Variants in RYR3 observed in about 807,000 individuals in gnomAD.
The protein encoded by RYR3 is ryanodine receptor 3, also known as brain ryanodine receptor-calcium release channel.
Under a neutral mutation model 584.3 loss-of-function variants are expected in RYR3, and 207 were observed. That is an observed-to-expected ratio of 0.35 (90% CI 0.32 to 0.40). RYR3 has a LOEUF of 0.40. RYR3 is among the 10% of genes least tolerant of loss of function. The probability of loss-of-function intolerance (pLI) is 1.00; values close to 1 mark genes in which losing one functional copy is unlikely to be tolerated. For missense variants in RYR3, 5,616 were observed against 6,089.2 expected (o/e 0.92, Z 2.59); for synonymous variants, 2,416 against 2,248.5 (o/e 1.07, Z -2.11).
At chr15:33,748,950 T>G (rs538380694) in intron 55 of RYR3, among the ~76,000 whole-genome samples, 6 of 152,332 alleles carry the variant, frequency 3.9e-5, no homozygotes, top group African/African-American at 1.4e-4. Flanking sequence ...TTATAATTCC[T>G]AACACAATGT....
At chr15:33,466,696 A>G (rs905021577) in intron 1 of RYR3, among the ~76,000 whole-genome samples, 7 of 152,244 alleles carry the variant, frequency 4.6e-5, no homozygotes, top group African/African-American at 1.7e-4. Flanking sequence ...TGTAGAAGCA[A>G]ACAGGGTATC....
intron 43 of RYR3, among the ~76,000 whole-genome samples, chr15:33,719,056 G>A (rs778807514): frequency 6.6e-6 from 1 of 152,190 alleles, no homozygotes; most frequent in Non-Finnish European, 1.5e-5. Flanking sequence ...GGAAGAGACT[G>A]TCTCTCCCTC....
Position 33,555,310 on chromosome 15 carries a change from G to A in RYR3, c.972+4994G>A, listed in dbSNP as rs142919740. Among the ~76,000 whole-genome samples the A allele has an allele frequency of 4.9e-3, 753 of 152,198 alleles. 13 individuals carry two copies. Among genetic ancestry groups the A allele is most frequent in the South Asian group, 0.027 (132 of 4,818 alleles). On this transcript the variant is annotated intron_variant, in intron 10 of 103. Transcript: ENST00000634891. ...TTTTGCCAGTCCCCTTGCTTGCTCC[G>A]TTTTCTCACCAAGTTATCCACTGGG... is the stretch of plus-strand genomic sequence containing the variant.
At chr15:33,845,234 G>A (rs938798963) in intron 93 of RYR3, among the ~76,000 whole-genome samples, 172 bp downstream of exon 93, 3 of 152,118 alleles carry the variant, frequency 2.0e-5, no homozygotes, top group African/African-American at 4.8e-5. Context: ...AGAGTCTCAG[G>A]CCTCACCATA....
chr15:33,529,040 A>G (rs1465760362), intron 3 of RYR3, among the ~76,000 whole-genome samples: 1 of 152,214 alleles, frequency 6.6e-6, no homozygotes, highest in Non-Finnish European at 1.5e-5. Context: ...GATAAGATCA[A>G]TTTTTGGTAG....
chr15:33,388,976 G>A (rs527722289), intron 1 of RYR3, among the ~76,000 whole-genome samples: 2 of 149,174 alleles, frequency 1.3e-5, no homozygotes, highest in Non-Finnish European at 3.0e-5. Context: ...ATCATTCTCA[G>A]CAAACTATCA....
intron 3 of RYR3, among the ~76,000 whole-genome samples, chr15:33,515,821 T>A (rs897036665): frequency 1.1e-4 from 17 of 152,250 alleles, no homozygotes; most frequent in African/African-American, 4.1e-4. Context: ...TAAAAATTCA[T>A]CAATGTGCAC....
chr15:33,848,464 C>G (rs765990451), intron 94 of RYR3, 43 bp downstream of exon 94: 4 of 1,580,722 alleles, frequency 2.5e-6, no homozygotes, highest in South Asian at 1.2e-5. Context: ...GATGGAGTCT[C>G]TACTGTAAAT....
chr15:33,370,839 C>G (rs1483106582), intron 1 of RYR3, among the ~76,000 whole-genome samples: 1 of 152,098 alleles, frequency 6.6e-6, no homozygotes, highest in East Asian at 1.9e-4. Context: ...AAAGATGACT[C>G]ATATCTAGAG....
chr15:33,539,369 T>C lies in RYR3; in HGVS notation c.453T>C (p.Thr151=), dbSNP rs1325449596. Residue 151 remains threonine, a synonymous_variant, in exon 6 of 104, where the codon ACT becomes ACC. Transcript: ENST00000634891. ...EHATGEACWW[T]IHPASKQRSE... is the part of the protein sequence containing the mutation. ...ATGTAGGAGAAGCCTGTTGGTGGAC[T>C]ATACATCCTGCTTCCAAACAGAGGT... The C allele has an allele frequency of 2.5e-6, 4 of 1,595,678 alleles. No individual in the cohort carries two copies. The highest frequency in any genetic ancestry group is 3.4e-6 in the Non-Finnish European group (4 of 1,170,378).
At chr15:33,770,529 A>G (rs1270001020) in intron 62 of RYR3, among the ~76,000 whole-genome samples, 1 of 152,138 alleles carries the variant, frequency 6.6e-6, no homozygotes, top group Non-Finnish European at 1.5e-5. Context: ...AGGTGGGTGG[A>G]TTGCTTGAGG....
intron 12 of RYR3, among the ~76,000 whole-genome samples, chr15:33,577,482 A>T (rs1238322536): frequency 6.6e-6 from 1 of 152,218 alleles, no homozygotes; most frequent in Non-Finnish European, 1.5e-5. Flanking sequence ...CAACCATCTG[A>T]TCTTTGACAA....
chr15:33,748,242 T>C lies in RYR3; in HGVS notation c.8118T>C (p.Ser2706=). 1 of 1,613,786 alleles carries C rather than the reference T, an allele frequency of 6.2e-7. No homozygotes were observed. Residue 2706 remains serine, a synonymous_variant, in exon 54 of 104, where the codon AGT becomes AGC. Coordinates refer to ENST00000634891, the MANE Select transcript of RYR3 (RefSeq NM_001036.6). ...VQQRENEKLR[S]VSQANQGNSY... is the part of the protein sequence containing the mutation. ...AGCGGGAAAATGAGAAGCTTCGAAG[T>C]GTGTCCCAGGCCAACCAGGTATGAC... is the stretch of plus-strand genomic sequence containing the variant.
chr15:33,772,109 G>A lies in RYR3; in HGVS notation c.9006G>A (p.Thr3002=), dbSNP rs200133020. ...CAGTGGCTCTGCTCCCCATCCTGAC[G>A]TCCATCTTTGAGCACGTCACTCAGC... ...YTTVALLPIL[T]SIFEHVTQHQ... Residue 3002 remains threonine (T), a synonymous_variant, in exon 63 of 104, where the codon ACG becomes ACA. Transcript: ENST00000634891. 5.7e-4 allele frequency: 914 copies of A among 1,613,624 alleles called. 1 individual carries two copies. The highest frequency in any genetic ancestry group is 7.1e-4 in the Non-Finnish European group (835 of 1,179,748).
chr15:33,327,365 G>A (rs1211800169), intron 1 of RYR3, among the ~76,000 whole-genome samples: 1 of 152,114 alleles, frequency 6.6e-6, no homozygotes, highest in Non-Finnish European at 1.5e-5. Flanking sequence ...TGGGACACAG[G>A]GGCTGTCTTA....
In RYR3 at chr15:33,646,427, G is replaced by A. The variant is rs374007586; in HGVS notation, c.3842G>A (p.Ser1281Asn). 5.4e-5 allele frequency: 87 copies of A among 1,613,844 alleles called. No individual in the cohort carries two copies. Among genetic ancestry groups the A allele is most frequent in the Non-Finnish European group, 7.1e-5 (84 of 1,179,872 alleles). ...VTHKTFGTQNSNADMIYCRLS... is the reference protein window; with the variant it reads ...VTHKTFGTQNNNADMIYCRLS... ...CATAAGACATTTGGCACACAGAATAGCAATGCCGACATGATCTATTGCCGC... is the reference window on the plus strand; with the variant it reads ...CATAAGACATTTGGCACACAGAATAACAATGCCGACATGATCTATTGCCGC... The change falls in exon 29 of 104, where the codon AGC becomes AAC. Residue 1281 changes from serine (S) to asparagine (N), a missense_variant. Physicochemically the swap from Ser to Asn is conservative, Grantham distance 46. Coordinates refer to ENST00000634891, the MANE Select transcript of RYR3 (RefSeq NM_001036.6).
intron 1 of RYR3, among the ~76,000 whole-genome samples, chr15:33,460,940 C>CTTT (rs66742049): frequency 0.019 from 1,500 of 79,136 alleles, 184 homozygotes; most frequent in African/African-American, 0.074. Context: ...TAATATCCAC[C>CTTT]TTTTTTTTTT....
Position 33,580,156 on chromosome 15 carries a change from A to T in RYR3, c.1437+12A>T. Reference sequence around the variant, plus strand: ...TTTTCAAGGAAGAGGTAAGTCGAAAAATGAAAAGTTGAAATTCACTTAGTG... The same window carrying T: ...TTTTCAAGGAAGAGGTAAGTCGAAATATGAAAAGTTGAAATTCACTTAGTG... On this transcript the variant is annotated intron_variant, in intron 13 of 103. Coordinates refer to ENST00000634891, the MANE Select transcript of RYR3 (RefSeq NM_001036.6). 6.3e-7 allele frequency: 1 copy of T among 1,580,848 alleles called. No homozygotes were observed. Among genetic ancestry groups the T allele is most frequent in the Non-Finnish European group, 8.6e-7 (1 of 1,162,708 alleles).
Position 33,660,258 on chromosome 15 carries a change from G to A in RYR3, c.4457G>A (p.Cys1486Tyr), listed in dbSNP as rs776123925. 2.8e-5 allele frequency: 43 copies of A among 1,555,050 alleles called. No individual in the cohort carries two copies. Among genetic ancestry groups the A allele is most frequent in the Non-Finnish European group, 3.7e-5 (43 of 1,149,162 alleles). Residue 1486 changes from cysteine to tyrosine, a missense_variant, in exon 34 of 104, where the codon TGT (cysteine) becomes TAT (tyrosine). Physicochemically the swap from Cys to Tyr is radical, Grantham distance 194. Coordinates refer to ENST00000634891, the MANE Select transcript of RYR3 (RefSeq NM_001036.6). ...RSEEKNPVPQ[C>Y]PPRLDVQTIQ... ...GAAGAGAAGAACCCAGTCCCACAGT[G>A]TCCACCTCGGCTGGACGTCCAAACC...
Sources: gnomAD v4.1 joint callset for allele counts (sites outside exome capture counted in the v4.1 genomes callset) on GRCh38, gnomAD v4.1.1 for gene constraint, MANE v1.5 for transcripts, NCBI Gene and HGNC (gene_info 2026-07-23, HGNC 2026-07-21) for gene names.